Variants in ADAMTSL1 observed in about 807,000 individuals in gnomAD.
ADAMTSL1 encodes the protein ADAMTS-like protein 1.
ADAMTSL1 carries 126 observed loss-of-function variants against 201.8 expected under a neutral mutation model. The ratio of observed to expected loss-of-function variants is 0.62; its 90% confidence interval spans 0.54 to 0.72. ADAMTSL1 has a LOEUF of 0.72. ADAMTSL1 is among the 30% of genes least tolerant of loss of function. The probability of loss-of-function intolerance (pLI) is 0.00; values close to 1 mark genes in which losing one functional copy is unlikely to be tolerated. For synonymous variants in ADAMTSL1, 1,121 were observed against 903.4 expected (o/e 1.24, Z -4.32); for missense variants, 2,679 against 2,277.8 (o/e 1.18, Z -3.59).
chr9:18,350,324 C>T (rs1311771556), intron 2 of ADAMTSL1, among the ~76,000 whole-genome samples: 1 of 151,976 alleles, frequency 6.6e-6, no homozygotes, highest in Non-Finnish European at 1.5e-5. Context: ...ACTGCTGCTG[C>T]TAAGGGCAGG....
intron 2 of ADAMTSL1, among the ~76,000 whole-genome samples, chr9:18,357,097 A>ATCTTT (rs1022015743): frequency 1.3e-5 from 2 of 152,206 alleles, no homozygotes; most frequent in African/African-American, 4.8e-5. Context: ...ATACTGGGAC[A>ATCTTT]TCTTTTTTTC....
chr9:18,563,437 G>A (rs969081165), intron 3 of ADAMTSL1, among the ~76,000 whole-genome samples: 4 of 152,170 alleles, frequency 2.6e-5, no homozygotes, highest in African/African-American at 9.7e-5. Context: ...TCCTATATGA[G>A]GTGTCTGTTG....
chr9:18,418,985 G>C (rs981111888), intron 2 of ADAMTSL1, among the ~76,000 whole-genome samples: 3 of 152,204 alleles, frequency 2.0e-5, no homozygotes, highest in African/African-American at 7.2e-5. Context: ...GGCAAAGAGA[G>C]AGACAAATAG....
Position 18,416,668 on chromosome 9 carries a change from C to A in ADAMTSL1, c.208-88161C>A, listed in dbSNP as rs186702453. Among the ~76,000 whole-genome samples the A allele has an allele frequency of 1.1e-4, 16 of 152,078 alleles. No individual in the cohort carries two copies. In the East Asian group the frequency reaches 2.9e-3, roughly 27 times the overall value. On this transcript the variant is annotated intron_variant, in intron 2 of 29. Transcript: ENST00000680146. The stretch of plus-strand genomic sequence containing the variant: ...AAACAGATGTCACATTAAAGAATCA[C>A]ACCAGGAATAAAGAATATCAGTTTT...
rs527725128 is a variant in ADAMTSL1 at position 17,965,702 on chromosome 9, T to C, written c.87+58780T>C. Reference sequence around the variant, plus strand: ...GATTATTTTCAGACTTTCAATTCAATTGGGCTTGAATAATTGATTCTGTGA... The same window carrying C: ...GATTATTTTCAGACTTTCAATTCAACTGGGCTTGAATAATTGATTCTGTGA... On this transcript the variant is annotated intron_variant, in intron 1 of 29. Transcript: ENST00000680146. Among the ~76,000 whole-genome samples the C allele has an allele frequency of 9.2e-5, 14 of 152,284 alleles. No individual in the cohort carries two copies. The East Asian group carries it at 1.7e-3, about 19-fold the overall frequency.
intron 2 of ADAMTSL1, among the ~76,000 whole-genome samples, chr9:18,419,450 G>A (rs1265348272): frequency 6.6e-6 from 1 of 152,098 alleles, no homozygotes; most frequent in Non-Finnish European, 1.5e-5. Context: ...ATTGCTGGAT[G>A]TTTACTCTAG....
At chr9:18,619,791 G>A (rs928593888) in intron 4 of ADAMTSL1, among the ~76,000 whole-genome samples, 11 of 152,134 alleles carry the variant, frequency 7.2e-5, no homozygotes, top group Admixed American at 2.6e-4. Context: ...AGTTTAAGGA[G>A]TAAACCCAGT....
At chr9:18,139,430 G>T (rs75818693) in intron 1 of ADAMTSL1, among the ~76,000 whole-genome samples, 3,907 of 152,228 alleles carry the variant, frequency 0.026, 70 homozygotes, top group Non-Finnish European at 0.041. Flanking sequence ...CCCAAAGTGG[G>T]TGAGAGAGAA....
intron 4 of ADAMTSL1, among the ~76,000 whole-genome samples, chr9:18,604,866 A>G (rs1159202286): frequency 6.6e-6 from 1 of 152,166 alleles, no homozygotes; most frequent in Non-Finnish European, 1.5e-5. Flanking sequence ...ACCATTTTAC[A>G]TTCCCACCAG....
chr9:18,040,919 ATAAACTCATTTGGCACCAATT>A (rs1341806351), intron 1 of ADAMTSL1, among the ~76,000 whole-genome samples: 1 of 152,228 alleles, frequency 6.6e-6, no homozygotes, highest in Non-Finnish European at 1.5e-5. Flanking sequence ...AAAATTTTAA[ATAAACTCATTTGGCACCAATT>A]GGTTTTAAAA....
At chr9:18,049,706 CCCCGCCTCCCGGGTTCACGCCATTCT>C (rs1363599807) in intron 1 of ADAMTSL1, among the ~76,000 whole-genome samples, 1 of 152,118 alleles carries the variant, frequency 6.6e-6, no homozygotes, top group South Asian at 2.1e-4. Context: ...TCACTGCAAG[CCCCGCCTCCCGGGTTCACGCCATTCT>C]CCCGCCTCAG....
At chr9:18,367,901 A>G (rs931745050) in intron 2 of ADAMTSL1, among the ~76,000 whole-genome samples, 17 of 151,344 alleles carry the variant, frequency 1.1e-4, no homozygotes, top group African/African-American at 3.4e-4. Flanking sequence ...TTTTTATTTT[A>G]TTTTATTTTA....
At chr9:18,838,380 C>CACAA (rs1825461619) in intron 23 of ADAMTSL1, among the ~76,000 whole-genome samples, 1 of 138,214 alleles carries the variant, frequency 7.2e-6, no homozygotes, top group Non-Finnish European at 1.7e-5. Flanking sequence ...CACACACACA[C>CACAA]ACACACACAC....
chr9:18,120,141 C>A (rs1403772908), intron 1 of ADAMTSL1, among the ~76,000 whole-genome samples: 2 of 152,178 alleles, frequency 1.3e-5, no homozygotes, highest in African/African-American at 4.8e-5. Flanking sequence ...AGGCTGCAGC[C>A]ATCTGAAAAC....
intron 1 of ADAMTSL1, among the ~76,000 whole-genome samples, chr9:18,476,800 G>T (rs961424759): frequency 7.9e-5 from 12 of 152,082 alleles, no homozygotes; most frequent in Admixed American, 2.6e-4. Context: ...GGCAAGCCCA[G>T]TTTCTACCTT....
intron 2 of ADAMTSL1, among the ~76,000 whole-genome samples, chr9:18,525,807 GAC>G (rs1292794669): frequency 1.3e-5 from 2 of 152,222 alleles, no homozygotes; most frequent in Non-Finnish European, 2.9e-5. Context: ...TGGTCAGAGA[GAC>G]AGTTTGTTAT....
At chr9:18,577,606 C>G (rs1230640029) in intron 4 of ADAMTSL1, among the ~76,000 whole-genome samples, 2 of 152,156 alleles carry the variant, frequency 1.3e-5, no homozygotes, top group East Asian at 1.9e-4. Flanking sequence ...TGAATTGTCT[C>G]CTAGACCATA....
intron 2 of ADAMTSL1, among the ~76,000 whole-genome samples, chr9:18,238,998 C>T (rs1485944204): frequency 2.6e-5 from 4 of 152,308 alleles, no homozygotes; most frequent in South Asian, 4.1e-4. Context: ...GTTATGTTTA[C>T]ACTATACTGT....
chr9:18,485,490 A>G (rs1016882951), intron 1 of ADAMTSL1, among the ~76,000 whole-genome samples: 1 of 152,224 alleles, frequency 6.6e-6, no homozygotes, highest in Non-Finnish European at 1.5e-5. Flanking sequence ...TTTTTAAAAA[A>G]TAATAGACCG....
Sources: gnomAD v4.1 joint callset for allele counts (sites outside exome capture counted in the v4.1 genomes callset) on GRCh38, gnomAD v4.1.1 for gene constraint, MANE v1.5 for transcripts, NCBI Gene and HGNC (gene_info 2026-07-23, HGNC 2026-07-21) for gene names.